Variants in KCNMA1 observed in about 807,000 individuals in gnomAD.
The protein encoded by KCNMA1 is potassium calcium-activated channel subfamily M alpha 1.
A neutral mutation model predicts 140.0 loss-of-function variants in KCNMA1; 29 were observed. That is an observed-to-expected ratio of 0.21 (90% CI 0.15 to 0.28). The LOEUF (loss-of-function observed/expected upper bound fraction) is 0.28, where lower values mean the gene tolerates loss of function less well. KCNMA1 is among the 10% of genes least tolerant of loss of function. KCNMA1 has a pLI of 1.00. For synonymous variants in KCNMA1, 612 were observed against 611.9 expected (o/e 1.00, Z 0.00); for missense variants, 880 against 1,602.2 (o/e 0.55, Z 7.70).
At chr10:77,107,977 A>G (rs771832116) in intron 9 of KCNMA1, among the ~76,000 whole-genome samples, 10 of 152,216 alleles carry the variant, frequency 6.6e-5, no homozygotes, top group Non-Finnish European at 1.5e-4. Flanking sequence ...ATTTTATCAC[A>G]TAGCCAGATG....
At chr10:77,240,099 T>TA (rs1165190540) in intron 3 of KCNMA1, among the ~76,000 whole-genome samples, 1 of 152,252 alleles carries the variant, frequency 6.6e-6, no homozygotes, top group South Asian at 2.1e-4. Flanking sequence ...TCTCTTCTTA[T>TA]AAAAAAAGAA....
intron 3 of KCNMA1, among the ~76,000 whole-genome samples, chr10:77,219,764 C>T (rs904766567): frequency 2.0e-5 from 3 of 152,124 alleles, no homozygotes; most frequent in African/African-American, 7.2e-5. Context: ...GGACTACAGG[C>T]ACCCACCACC....
At chr10:77,125,828 G>A (rs75944287) in intron 5 of KCNMA1, among the ~76,000 whole-genome samples, 3,076 of 152,278 alleles carry the variant, frequency 0.02, 46 homozygotes, top group Middle Eastern at 0.031. Flanking sequence ...ATAATTAGAC[G>A]GCGGAGTTAA....
intron 5 of KCNMA1, among the ~76,000 whole-genome samples, chr10:77,180,656 T>A (rs1409524709): frequency 1.3e-5 from 2 of 152,104 alleles, no homozygotes; most frequent in Non-Finnish European, 2.9e-5. Flanking sequence ...TATAGGAGGG[T>A]AGGGGGATAG....
chr10:77,072,258 A>AC (rs1237292381), intron 14 of KCNMA1, among the ~76,000 whole-genome samples: 1 of 152,232 alleles, frequency 6.6e-6, no homozygotes, highest in African/African-American at 2.4e-5. Flanking sequence ...CCCGTTTTAC[A>AC]CACGGGTTTG....
chr10:77,396,525 C>A (rs543789916), intron 2 of KCNMA1, among the ~76,000 whole-genome samples: 2 of 152,166 alleles, frequency 1.3e-5, no homozygotes. Context: ...TAATTTCATG[C>A]GCAAACAGCA....
At chr10:77,059,631 T>A (rs2153663257) in intron 14 of KCNMA1, among the ~76,000 whole-genome samples, 1 of 152,170 alleles carries the variant, frequency 6.6e-6, no homozygotes, top group East Asian at 1.9e-4. Context: ...CAGGAAAGCA[T>A]TTAGCAAAAT....
In KCNMA1 at chr10:76,910,192, C is replaced by A. The variant is rs141013244; in HGVS notation, c.3017-96G>T. ...GCTACTGGTTTAGAAATACTGAAGTCATTGAGAAGGAAACAAAAGCATGGA... is the reference window on the plus strand; with the variant it reads ...GCTACTGGTTTAGAAATACTGAAGTAATTGAGAAGGAAACAAAAGCATGGA... On this transcript the variant is annotated intron_variant, in intron 24 of 27. Coordinates refer to ENST00000286628, the MANE Select transcript of KCNMA1 (RefSeq NM_001161352.2). The A allele has an allele frequency of 3.0e-4, 414 of 1,394,728 alleles. No homozygotes were observed. The African/African-American group carries it at 5.2e-3, about 18-fold the overall frequency. 86.4% of individuals were successfully genotyped at this position (1,394,728 alleles called of 1,614,324 possible). A position where few individuals can be genotyped will look rare whatever the true frequency, so the allele number is the denominator to read the frequency against.
chr10:76,871,202 C>G (rs970385223), exon 28 of KCNMA1: 10 of 152,796 alleles, frequency 6.5e-5, no homozygotes, highest in African/African-American at 2.2e-4. Context: ...TCCCCTGTCC[C>G]ACTCCTCTTG....
At chr10:77,439,014 C>T (rs545796105) in intron 1 of KCNMA1, among the ~76,000 whole-genome samples, 3 of 150,928 alleles carry the variant, frequency 2.0e-5, no homozygotes, top group Non-Finnish European at 3.0e-5. Flanking sequence ...AGGCCGAGGC[C>T]GAGCCCAGAT....
intron 6 of KCNMA1, 95 bp downstream of exon 6, chr10:77,120,878 T>C (rs2097578851): frequency 1.3e-6 from 1 of 746,416 alleles, no homozygotes; most frequent in Non-Finnish European, 2.4e-6. Flanking sequence ...AATATAACTA[T>C]TAATAATGTC....
At chr10:76,939,654 T>C (rs536897225) in intron 23 of KCNMA1, 5 of 152,306 alleles carry the variant, frequency 3.3e-5, no homozygotes, top group South Asian at 2.1e-4. Flanking sequence ...AGAACAGCCA[T>C]TTATTCCTTT....
rs562576701 is a variant in KCNMA1 at position 76,996,134 on chromosome 10, C to T, written c.2266+5273G>A. ...TTTACCTGACACTCAACTGAAACAA[C>T]CAGCTATTTATTCTGGAGAAGAACC... On this transcript the variant is annotated intron_variant, in intron 19 of 27. Coordinates refer to ENST00000286628, the MANE Select transcript of KCNMA1 (RefSeq NM_001161352.2). Among the ~76,000 whole-genome samples, 101 of 152,278 alleles carry T rather than the reference C, an allele frequency of 6.6e-4. 1 individual carries two copies. The highest frequency in any genetic ancestry group is 2.4e-3 in the African/African-American group (99 of 41,558).
intron 24 of KCNMA1, chr10:76,910,522 G>A (rs2049720860): frequency 3.4e-6 from 1 of 296,024 alleles, no homozygotes; most frequent in Non-Finnish European, 6.6e-6. Context: ...GCAGCTTATT[G>A]GGAGTAAAGA....
chr10:77,220,960 A>G (rs936357211), intron 3 of KCNMA1, among the ~76,000 whole-genome samples: 2 of 152,190 alleles, frequency 1.3e-5, no homozygotes, highest in East Asian at 1.9e-4. Flanking sequence ...AGGTCTTAAT[A>G]GAGAGTGGAT....
At chr10:76,963,751 C>T (rs1298059775) in intron 20 of KCNMA1, among the ~76,000 whole-genome samples, 1 of 152,190 alleles carries the variant, frequency 6.6e-6, no homozygotes, top group Admixed American at 6.5e-5. Flanking sequence ...TAAATTTAAA[C>T]AAGCAAATTA....
intron 1 of KCNMA1, among the ~76,000 whole-genome samples, chr10:77,565,280 C>T (rs1053185287): frequency 1.3e-5 from 2 of 152,130 alleles, no homozygotes; most frequent in African/African-American, 2.4e-5. Context: ...GAGGACAACG[C>T]GGATGGTAAG....
At chr10:77,413,364 C>G (rs2096663758) in intron 1 of KCNMA1, among the ~76,000 whole-genome samples, 1 of 152,058 alleles carries the variant, frequency 6.6e-6, no homozygotes, top group South Asian at 2.1e-4. Flanking sequence ...TTCCGTGTCC[C>G]CCCTCCCATG....
intron 2 of KCNMA1, among the ~76,000 whole-genome samples, chr10:77,311,453 C>A (rs1463947601): frequency 1.3e-5 from 2 of 152,226 alleles, no homozygotes; most frequent in East Asian, 3.9e-4. Flanking sequence ...ACAGTGGCAA[C>A]TAGGGGGAGG....
Sources: allele counts gnomAD v4.1 joint callset (sites outside exome capture counted in the v4.1 genomes callset), GRCh38; gene constraint gnomAD v4.1.1; transcripts MANE v1.5; gene names NCBI Gene and HGNC (gene_info 2026-07-23, HGNC 2026-07-21).